Variants in SLC14A2 observed in about 807,000 individuals in gnomAD.
SLC14A2 encodes the protein solute carrier family 14 member 2.
Under a neutral mutation model 104.6 loss-of-function variants are expected in SLC14A2, and 91 were observed. That is an observed-to-expected ratio of 0.87 (90% CI 0.73 to 1.04). SLC14A2 has a LOEUF of 1.04. Among genes scored for constraint, SLC14A2 ranks in the 50% least tolerant of loss-of-function variants. SLC14A2 has a pLI of 0.00. For missense variants in SLC14A2, 1,189 were observed against 1,156.0 expected (o/e 1.03, Z -0.41); for synonymous variants, 476 against 466.4 (o/e 1.02, Z -0.27).
chr18:45,369,918 T>C (rs2085704521), intron 1 of SLC14A2, among the ~76,000 whole-genome samples: 1 of 152,166 alleles, frequency 6.6e-6, no homozygotes, highest in Admixed American at 6.5e-5. Context: ...AGGGAAGTTA[T>C]AGGAAATGTG....
intron 10 of SLC14A2, among the ~76,000 whole-genome samples, chr18:45,658,516 G>C (rs1056005023): frequency 2.0e-5 from 3 of 151,960 alleles, no homozygotes; most frequent in Non-Finnish European, 4.4e-5. Context: ...GGAAGGCGGA[G>C]GTTGCAGTGA....
chr18:45,413,203 TATCTACAG>T (rs769991941), intron 1 of SLC14A2, among the ~76,000 whole-genome samples: 20 of 152,330 alleles, frequency 1.3e-4, no homozygotes, highest in Non-Finnish European at 2.4e-4. Flanking sequence ...GCTATCATGT[TATCTACAG>T]ATCTACAGAG....
chr18:45,624,700 G>A lies in SLC14A2; in HGVS notation c.36G>A (p.Glu12=). The part of the protein sequence containing the change: ...SDPHSSPLLP[E]PLSSRYKLYE... ...CCCACAGCAGTCCTCTCCTGCCAGA[G>A]CCACTTTCCAGCAGATACAAACTCT... Residue 12 remains glutamate (E), a synonymous_variant, in exon 2 of 20, where the codon GAG becomes GAA. Coordinates refer to ENST00000255226, the MANE Select transcript of SLC14A2 (RefSeq NM_007163.4). 1.2e-6 allele frequency: 2 copies of A among 1,613,062 alleles called. No homozygotes were observed. Among genetic ancestry groups the A allele is most frequent in the Non-Finnish European group, 1.7e-6 (2 of 1,179,574 alleles).
At chr18:45,606,058 C>G (rs1262681633) in intron 2 of SLC14A2, among the ~76,000 whole-genome samples, 5 of 152,122 alleles carry the variant, frequency 3.3e-5, no homozygotes, top group African/African-American at 1.2e-4. Flanking sequence ...CATAACCCAT[C>G]CAGCTGGAGG....
intron 2 of SLC14A2, among the ~76,000 whole-genome samples, chr18:45,537,752 C>T (rs1208024130): frequency 6.6e-6 from 1 of 152,102 alleles, no homozygotes; most frequent in Non-Finnish European, 1.5e-5. Context: ...CAGATGGAAG[C>T]TGGTAGCAAG....
chr18:45,213,505 A>T (rs1200630220), intron 1 of SLC14A2, among the ~76,000 whole-genome samples: 1 of 152,130 alleles, frequency 6.6e-6, no homozygotes, highest in Non-Finnish European at 1.5e-5. Flanking sequence ...TTTAACTAGT[A>T]GATTTTATAT....
At chr18:45,679,906 G>A (rs1308506121) in intron 19 of SLC14A2, among the ~76,000 whole-genome samples, 1 of 152,168 alleles carries the variant, frequency 6.6e-6, no homozygotes, top group African/African-American at 2.4e-5. Flanking sequence ...TTTGTGATGA[G>A]TCTAGTACTC....
chr18:45,459,886 A>G (rs2087012671), intron 1 of SLC14A2, among the ~76,000 whole-genome samples: 1 of 152,206 alleles, frequency 6.6e-6, no homozygotes, highest in African/African-American at 2.4e-5. Context: ...AGAGACCTGG[A>G]GATGGTTGCA....
intron 1 of SLC14A2, among the ~76,000 whole-genome samples, chr18:45,438,910 AGTG>A (rs2086639636): frequency 6.6e-6 from 1 of 152,164 alleles, no homozygotes; most frequent in African/African-American, 2.4e-5. Context: ...TAATTTTCCC[AGTG>A]ATTCTCTGTA....
chr18:45,420,827 G>A (rs1366263629), intron 1 of SLC14A2, among the ~76,000 whole-genome samples: 15 of 150,732 alleles, frequency 1.0e-4, no homozygotes, highest in Admixed American at 9.9e-4. Context: ...GGCAACCTCC[G>A]CCTCCCGGGT....
intron 1 of SLC14A2, among the ~76,000 whole-genome samples, chr18:45,280,184 A>T (rs1000452462): frequency 2.0e-5 from 3 of 152,144 alleles, no homozygotes; most frequent in Non-Finnish European, 4.4e-5. Context: ...CAGAGGTAAG[A>T]TTTGAAAGGA....
At chr18:45,310,763 A>G (rs1300835020) in intron 1 of SLC14A2, among the ~76,000 whole-genome samples, 1 of 152,222 alleles carries the variant, frequency 6.6e-6, no homozygotes, top group Non-Finnish European at 1.5e-5. Context: ...ATTGATGTGC[A>G]TATGCTCAGG....
the SLC14A2 span, among the ~76,000 whole-genome samples, chr18:45,185,521 A>G: frequency 6.6e-6 from 1 of 152,180 alleles, no homozygotes; most frequent in African/African-American, 2.4e-5. Flanking sequence ...ATCTACAATA[A>G]ACATACAACA....
intron 2 of SLC14A2, among the ~76,000 whole-genome samples, chr18:45,591,255 C>T (rs1434182011): frequency 3.3e-5 from 5 of 152,236 alleles, no homozygotes; most frequent in African/African-American, 1.2e-4. Flanking sequence ...AATGGGCATA[C>T]ACATACCCCC....
intron 1 of SLC14A2, among the ~76,000 whole-genome samples, chr18:45,429,753 G>A (rs776910560): frequency 3.9e-5 from 6 of 152,172 alleles, no homozygotes; most frequent in Admixed American, 1.3e-4. Flanking sequence ...ACCTCCTGGG[G>A]CACCTGGAAG....
the SLC14A2 span, among the ~76,000 whole-genome samples, chr18:45,185,193 T>C: frequency 5.3e-5 from 8 of 152,092 alleles, no homozygotes; most frequent in African/African-American, 1.9e-4. Flanking sequence ...CAGTCCTTCC[T>C]AGGAAGGGAG....
intron 6 of SLC14A2, 73 bp downstream of exon 6, chr18:45,637,255 A>G: frequency 8.0e-7 from 1 of 1,242,900 alleles, no homozygotes; most frequent in Non-Finnish European, 1.2e-6. Flanking sequence ...CAATTTGTGG[A>G]CTATCCATGC....
chr18:45,453,083 A>C (rs953839531), intron 1 of SLC14A2, among the ~76,000 whole-genome samples: 3 of 152,166 alleles, frequency 2.0e-5, no homozygotes, highest in African/African-American at 7.2e-5. Flanking sequence ...GTCCCAGTCA[A>C]ACCAGGACCT....
chr18:45,217,556 A>G (rs1008410332), intron 1 of SLC14A2, among the ~76,000 whole-genome samples: 11 of 152,088 alleles, frequency 7.2e-5, no homozygotes, highest in Admixed American at 3.3e-4. Flanking sequence ...TCTCAATCAG[A>G]TTTCATATCT....
Sources: gnomAD v4.1 joint callset for allele counts (sites outside exome capture counted in the v4.1 genomes callset) on GRCh38, gnomAD v4.1.1 for gene constraint, MANE v1.5 for transcripts, NCBI Gene and HGNC (gene_info 2026-07-23, HGNC 2026-07-21) for gene names.